The following SDCCAG8 variants were observed in gnomAD, a reference collection of about 807,000 sequenced individuals.
SDCCAG8 encodes SHH signaling and ciliogenesis regulator SDCCAG8, also known as serologically defined colon cancer antigen 8.
A neutral mutation model predicts 101.8 loss-of-function variants in SDCCAG8; 74 were observed. That is an observed-to-expected ratio of 0.73 (90% CI 0.60 to 0.88). SDCCAG8 has a LOEUF of 0.88. Ranked by LOEUF, SDCCAG8 falls within the 40% of genes least tolerant of loss-of-function variation. SDCCAG8 has a pLI of 0.00. For missense variants in SDCCAG8, 787 were observed against 822.6 expected, an observed-to-expected ratio of 0.96 and a Z score of 0.53; for synonymous variants, 281 against 292.9, an observed-to-expected ratio of 0.96 and a Z score of 0.41.
chr1:243,274,714 A>G lies in SDCCAG8; in HGVS notation c.420+58A>G, dbSNP rs1474984973. On this transcript the variant is annotated intron_variant, in intron 4 of 17. Transcript: ENST00000366541. ...AAATGAAAGCTTATATTAACTATAGATTGTATTAAAATTTGCTGCTATAAA... is the reference window on the plus strand; with the variant it reads ...AAATGAAAGCTTATATTAACTATAGGTTGTATTAAAATTTGCTGCTATAAA... The G allele has an allele frequency of 9.7e-6, 10 of 1,029,366 alleles. No individual in the cohort carries two copies. In the African/African-American group the frequency reaches 1.5e-4, roughly 15 times the overall value. The allele number at this position is 1,029,366 out of a possible 1,614,324, so 63.8% of individuals were successfully genotyped here. A position where few individuals can be genotyped will look rare whatever the true frequency, so the allele number is the denominator to read the frequency against.
At position 243,491,392 on chromosome 1, in the gene SDCCAG8, T is replaced by C. The variant is rs149156575; in HGVS notation, c.2112+2252T>C. On this transcript the variant is annotated intron_variant, in intron 17 of 17. Coordinates refer to ENST00000366541, the MANE Select transcript of SDCCAG8 (RefSeq NM_006642.5). ...GCTATCTGATACTGGCCCATCTGGC[T>C]CATCTCTAAAGCGGCCTTTCAGATT... 3.6e-3 allele frequency among the ~76,000 whole-genome samples: 555 copies of C among 152,364 alleles called. 10 individuals are homozygous for C. Among genetic ancestry groups the C allele is most frequent in the African/African-American group, 0.012 (486 of 41,588 alleles).
chr1:243,464,843 G>A (rs192479092), intron 16 of SDCCAG8, among the ~76,000 whole-genome samples: 1 of 152,344 alleles, frequency 6.6e-6, no homozygotes, highest in East Asian at 1.9e-4. Flanking sequence ...ACCCCATCGT[G>A]AGGATACCTA....
intron 16 of SDCCAG8, among the ~76,000 whole-genome samples, chr1:243,431,875 C>G (rs149084683): frequency 6.6e-6 from 1 of 152,128 alleles, no homozygotes; most frequent in East Asian, 1.9e-4. Context: ...GAGTTTTTTC[C>G]CCCTTTTGTA....
At chr1:243,471,587 G>A (rs1486333701) in intron 16 of SDCCAG8, among the ~76,000 whole-genome samples, 2 of 152,042 alleles carry the variant, frequency 1.3e-5, no homozygotes, top group Admixed American at 6.5e-5. Flanking sequence ...GGCCTTTTCG[G>A]AGGAGGCTGC....
chr1:243,358,838 T>A (rs182234589), intron 12 of SDCCAG8, among the ~76,000 whole-genome samples: 2 of 152,312 alleles, frequency 1.3e-5, no homozygotes, highest in East Asian at 3.9e-4. Flanking sequence ...AACATCATGT[T>A]AGATGAAAGA....
chr1:243,277,101 A>C (rs1192670130), intron 4 of SDCCAG8, among the ~76,000 whole-genome samples: 1 of 152,212 alleles, frequency 6.6e-6, no homozygotes, highest in African/African-American at 2.4e-5. Context: ...GAATAAAGCT[A>C]CTGTAAGCAT....
At chr1:243,437,402 G>A (rs1054489533) in intron 16 of SDCCAG8, among the ~76,000 whole-genome samples, 19 of 152,196 alleles carry the variant, frequency 1.2e-4, no homozygotes, top group African/African-American at 3.6e-4. Flanking sequence ...AATAGACTAC[G>A]GTAAGAGTAA....
intron 13 of SDCCAG8, among the ~76,000 whole-genome samples, chr1:243,401,553 T>G (rs972369706): frequency 6.6e-6 from 1 of 152,250 alleles, no homozygotes; most frequent in Admixed American, 6.5e-5. Flanking sequence ...ATGATGAAGA[T>G]TTTCCAATTT....
intron 16 of SDCCAG8, among the ~76,000 whole-genome samples, chr1:243,448,770 T>C (rs1323821526): frequency 6.6e-6 from 1 of 152,224 alleles, no homozygotes; most frequent in African/African-American, 2.4e-5. Context: ...ACAGAAACCA[T>C]ACTCTGGTCA....
intron 13 of SDCCAG8, among the ~76,000 whole-genome samples, chr1:243,387,255 AAC>A (rs1390495517): frequency 1.3e-5 from 2 of 152,182 alleles, no homozygotes; most frequent in Non-Finnish European, 2.9e-5. Context: ...CATGTACTGA[AAC>A]ACATTTTTTT....
chr1:243,391,210 A>G (rs914208591), intron 13 of SDCCAG8, among the ~76,000 whole-genome samples: 3 of 152,212 alleles, frequency 2.0e-5, no homozygotes, highest in African/African-American at 4.8e-5. Context: ...CACAAAGTAC[A>G]TCGTGATTTG....
At chr1:243,278,099 T>C (rs1040777009) in intron 4 of SDCCAG8, among the ~76,000 whole-genome samples, 13 of 152,238 alleles carry the variant, frequency 8.5e-5, no homozygotes, top group African/African-American at 3.1e-4. Flanking sequence ...ATTTTGATAC[T>C]ATTGAGTATC....
At chr1:243,432,723 G>A (rs2081877778) in intron 16 of SDCCAG8, among the ~76,000 whole-genome samples, 1 of 152,144 alleles carries the variant, frequency 6.6e-6, no homozygotes, top group African/African-American at 2.4e-5. Context: ...ATTAGCCAAT[G>A]GTGCCTTTTT....
chr1:243,419,922 T>G (rs2080870257), intron 15 of SDCCAG8, among the ~76,000 whole-genome samples: 1 of 152,228 alleles, frequency 6.6e-6, no homozygotes, highest in Non-Finnish European at 1.5e-5. Flanking sequence ...CTGGTCTAAC[T>G]CAGAACCTCT....
At chr1:243,489,240 C>G in intron 17 of SDCCAG8, 100 bp downstream of exon 17, 1 of 1,461,568 alleles carries the variant, frequency 6.8e-7, no homozygotes, top group Non-Finnish European at 9.3e-7. Context: ...CGGATCACAT[C>G]GGTTAGCAGT....
At chr1:243,302,276 A>G (rs2071592082) in intron 6 of SDCCAG8, among the ~76,000 whole-genome samples, 1 of 152,166 alleles carries the variant, frequency 6.6e-6, no homozygotes, top group Non-Finnish European at 1.5e-5. Flanking sequence ...AAAAAGGACG[A>G]AAATTATTTA....
chr1:243,415,884 G>A, intron 14 of SDCCAG8, 55 bp downstream of exon 14: 10 of 1,597,458 alleles, frequency 6.3e-6, no homozygotes, highest in South Asian at 4.5e-5. Flanking sequence ...TCAGGCCCAC[G>A]CCTTACTGTG....
chr1:243,389,328 A>G (rs1291124648), intron 13 of SDCCAG8, among the ~76,000 whole-genome samples: 1 of 152,190 alleles, frequency 6.6e-6, no homozygotes, highest in Non-Finnish European at 1.5e-5. Flanking sequence ...GTTCTTCACA[A>G]CAACAGGGTC....
intron 16 of SDCCAG8, among the ~76,000 whole-genome samples, chr1:243,477,243 C>G (rs1317105233): frequency 6.6e-6 from 1 of 152,184 alleles, no homozygotes; most frequent in Non-Finnish European, 1.5e-5. Flanking sequence ...CCTGCTGGTG[C>G]TTCTGTATGG....
Sources: allele counts gnomAD v4.1 joint callset (sites outside exome capture counted in the v4.1 genomes callset), GRCh38; gene constraint gnomAD v4.1.1; transcripts MANE v1.5; gene names NCBI Gene and HGNC (gene_info 2026-07-23, HGNC 2026-07-21).